The following RP1 variants were observed in gnomAD, a reference collection of about 807,000 sequenced individuals.
RP1 encodes oxygen-regulated protein 1.
RP1 carries 16 observed loss-of-function variants against 14.8 expected under a neutral mutation model. The observed-to-expected ratio is 1.08, with a 90% confidence interval of 0.73 to 1.65. The LOEUF (loss-of-function observed/expected upper bound fraction) is 1.65, where lower values mean the gene tolerates loss of function less well. RP1 is among the 40% of genes most tolerant of loss of function. The probability of loss-of-function intolerance (pLI) is 0.00; values close to 1 mark genes in which losing one functional copy is unlikely to be tolerated. For missense variants in RP1, 2,631 were observed against 2,535.0 expected (o/e 1.04, Z -0.81); for synonymous variants, 876 against 883.6 (o/e 0.99, Z 0.15).
At chr8:54,761,542 C>T (rs1184923546) in intron 22 of RP1, among the ~76,000 whole-genome samples, 2 of 152,092 alleles carry the variant, frequency 1.3e-5, no homozygotes, top group Non-Finnish European at 2.9e-5. Flanking sequence ...GGCCCCTGCA[C>T]TACCTTACTT....
At chr8:54,604,400 G>A (rs1283915035) in intron 1 of RP1, among the ~76,000 whole-genome samples, 1 of 152,170 alleles carries the variant, frequency 6.6e-6, no homozygotes, top group East Asian at 1.9e-4. Flanking sequence ...ACTTGATCAT[G>A]GTGGATAAGC....
rs562213663 is a variant in RP1, at chr8:54,628,098, A to G, written c.4216A>G (p.Lys1406Glu). ...CTCCTGTGGCCTTTGCCTAAGTGAA[A>G]AAGAAGCAGAACTTGATAAGAAACA... ...LSSCGLCLSE[K>E]EAELDKKHSS... is the part of the protein sequence containing the mutation. The change falls in exon 4 of 4, where the codon AAA becomes GAA. Residue 1406 changes from lysine to glutamate, a missense_variant. Lys to Glu is a moderately conservative substitution (Grantham distance 56). Coordinates refer to ENST00000220676, the MANE Select transcript of RP1 (RefSeq NM_006269.2). 3.6e-5 allele frequency: 58 copies of G among 1,614,072 alleles called. No homozygotes were observed. The South Asian group carries it at 6.0e-4, about 17-fold the overall frequency.
exon 29 of RP1, chr8:54,870,169 C>T: frequency 2.8e-6 from 1 of 354,874 alleles, no homozygotes; most frequent in Non-Finnish European, 5.0e-6. Context: ...ACCCATACTG[C>T]TGCTGCTCAC....
chr8:54,636,543 G>C (rs770509854), intron 3 of RP1, among the ~76,000 whole-genome samples: 3 of 152,172 alleles, frequency 2.0e-5, no homozygotes, highest in Non-Finnish European at 4.4e-5. Context: ...TTCAAGACCA[G>C]CCTGGCCAAC....
At chr8:54,567,090 A>G (rs1298539125) in intron 1 of RP1, among the ~76,000 whole-genome samples, 1 of 152,152 alleles carries the variant, frequency 6.6e-6, no homozygotes, top group South Asian at 2.1e-4. Context: ...TGATGTTCCT[A>G]TAGCTGATTT....
chr8:54,656,456 C>G (rs1806756997), intron 6 of RP1, among the ~76,000 whole-genome samples: 1 of 151,844 alleles, frequency 6.6e-6, no homozygotes, highest in African/African-American at 2.4e-5. Context: ...GCTTCTTAAT[C>G]AAAACAAGGA....
chr8:54,682,441 T>C (rs1807457797), intron 12 of RP1, among the ~76,000 whole-genome samples: 1 of 151,960 alleles, frequency 6.6e-6, no homozygotes. Flanking sequence ...GAAATACCAT[T>C]TTACCTGGCA....
intron 14 of RP1, among the ~76,000 whole-genome samples, chr8:54,705,027 T>G (rs764962129): frequency 1.5e-4 from 23 of 152,304 alleles, no homozygotes; most frequent in Non-Finnish European, 2.6e-4. Context: ...TTTAAGGCTC[T>G]GGGAACATAC....
intron 16 of RP1, among the ~76,000 whole-genome samples, chr8:54,721,570 G>A (rs955291940): frequency 4.6e-5 from 7 of 152,184 alleles, no homozygotes; most frequent in Non-Finnish European, 8.8e-5. Flanking sequence ...AGACATAAGA[G>A]AGAAATAATA....
intron 24 of RP1, among the ~76,000 whole-genome samples, chr8:54,824,650 C>A (rs893696865): frequency 6.6e-6 from 1 of 152,086 alleles, no homozygotes; most frequent in African/African-American, 2.4e-5. Context: ...AGTATAGATA[C>A]AAAAGTCCTT....
At chr8:54,820,032 C>T (rs1811220494) in intron 24 of RP1, among the ~76,000 whole-genome samples, 1 of 152,144 alleles carries the variant, frequency 6.6e-6, no homozygotes, top group Admixed American at 6.5e-5. Flanking sequence ...CAGGACTGGT[C>T]TATCCCTTCA....
At chr8:54,591,621 T>C (rs993687324) in intron 1 of RP1, among the ~76,000 whole-genome samples, 3 of 152,178 alleles carry the variant, frequency 2.0e-5, no homozygotes, top group African/African-American at 7.2e-5. Context: ...TCTGTAGTTG[T>C]ATCAGATTTA....
At chr8:54,772,092 A>T (rs983535083), downstream of RP1, among the ~76,000 whole-genome samples, 4 of 152,172 alleles carry the variant, frequency 2.6e-5, no homozygotes, top group African/African-American at 9.6e-5. Context: ...GCCATGTTTA[A>T]TTAATTCCCA....
intron 19 of RP1, among the ~76,000 whole-genome samples, chr8:54,745,297 A>G (rs544299232): frequency 6.6e-6 from 1 of 152,178 alleles, no homozygotes; most frequent in Admixed American, 6.5e-5. Context: ...CCCTTTTCTC[A>G]GGTTCTGAGA....
intron 19 of RP1, among the ~76,000 whole-genome samples, chr8:54,748,792 T>C (rs931220212): frequency 5.9e-5 from 9 of 152,190 alleles, no homozygotes; most frequent in African/African-American, 2.2e-4. Flanking sequence ...TTTGCCTTTA[T>C]TTTTTCAGAA....
intron 28 of RP1, among the ~76,000 whole-genome samples, chr8:54,867,887 C>G (rs142567554): frequency 6.6e-5 from 10 of 152,240 alleles, no homozygotes; most frequent in African/African-American, 2.4e-4. Context: ...GTTGTACTAG[C>G]TACATTTCTA....
At position 54,679,454 on chromosome 8, in the gene RP1, G is replaced by A. The variant is rs1399025586; in HGVS notation, c.1513G>A (p.Val505Ile). The change falls in exon 10 of 23, where the codon GTC becomes ATC. Residue 505 changes from valine (V) to isoleucine (I), a missense_variant. Transcript: ENST00000636932. ...TCAGGGGGAAGATGATTGTAAAATT[G>A]TCAGAGAACTGTATGCCAGGGATAA... 6 of 1,535,930 alleles carry A rather than the reference G, an allele frequency of 3.9e-6. No homozygotes were observed. The East Asian group carries it at 7.3e-5, about 19-fold the overall frequency.
intron 1 of RP1, among the ~76,000 whole-genome samples, chr8:54,616,610 C>A (rs552041703): frequency 1.3e-5 from 2 of 152,288 alleles, no homozygotes; most frequent in East Asian, 3.9e-4. Flanking sequence ...CTCAACTCTG[C>A]CCCATAGGCT....
intron 24 of RP1, among the ~76,000 whole-genome samples, chr8:54,832,641 A>T (rs886289048): frequency 6.6e-6 from 1 of 151,672 alleles, no homozygotes; most frequent in African/African-American, 2.4e-5. Flanking sequence ...TATTGACATT[A>T]TGCAGTTTGT....
Sources: gnomAD v4.1 joint callset for allele counts (sites outside exome capture counted in the v4.1 genomes callset) on GRCh38, gnomAD v4.1.1 for gene constraint, MANE v1.5 for transcripts, NCBI Gene and HGNC (gene_info 2026-07-23, HGNC 2026-07-21) for gene names.